The following DCC variants were observed in gnomAD, a reference collection of about 807,000 sequenced individuals.
DCC encodes the protein DCC netrin 1 receptor.
DCC carries 58 observed loss-of-function variants against 172.5 expected under a neutral mutation model. The ratio of observed to expected loss-of-function variants is 0.34; its 90% confidence interval spans 0.27 to 0.42. DCC has a LOEUF of 0.42. DCC is among the 10% of genes least tolerant of loss of function. The pLI is 1.00. For missense variants in DCC, 1,740 were observed against 1,791.0 expected, an observed-to-expected ratio of 0.97 and a Z score of 0.51; for synonymous variants, 709 against 644.5, an observed-to-expected ratio of 1.10 and a Z score of -1.52.
chr18:52,843,049 G>A (rs1171079525), intron 2 of DCC, among the ~76,000 whole-genome samples: 1 of 152,170 alleles, frequency 6.6e-6, no homozygotes, highest in Non-Finnish European at 1.5e-5. Context: ...GTATTCATGT[G>A]TAAGGTCAGG....
Position 53,391,527 on chromosome 18 carries a change from C to T in DCC, c.2456-128C>T, listed in dbSNP as rs1379777106. 4.3e-6 allele frequency: 3 copies of T among 704,062 alleles called. No individual in the cohort carries two copies. In the Admixed American group the frequency reaches 6.2e-5, roughly 15 times the overall value. The allele number at this position is 704,062 out of a possible 1,614,324, so 43.6% of individuals were successfully genotyped here. A position where few individuals can be genotyped will look rare whatever the true frequency, so the allele number is the denominator to read the frequency against. On this transcript the variant is annotated intron_variant, in intron 16 of 28. Transcript: ENST00000442544. ...TAATTACATTTTTTTCTGTTCTTCT[C>T]ATGTTCCCTTTCATCATTATTGCCA...
rs550457304 is a variant in DCC at position 52,443,545 on chromosome 18, C to A, written c.91+102667C>A. 2.6e-5 allele frequency among the ~76,000 whole-genome samples: 4 copies of A among 152,194 alleles called. No homozygotes were observed. The East Asian group carries it at 7.7e-4, about 29-fold the overall frequency. On this transcript the variant is annotated intron_variant, in intron 1 of 28. Transcript: ENST00000442544. ...TCATGAAGAATGCATAGGAGTTTCC[C>A]AGACAGGTGAGAAAGGGGACATTCT... is the stretch of plus-strand genomic sequence containing the variant.
chr18:52,790,264 G>A (rs915033444), intron 2 of DCC, among the ~76,000 whole-genome samples: 1 of 152,146 alleles, frequency 6.6e-6, no homozygotes, highest in South Asian at 2.1e-4. Flanking sequence ...GGGATCCTGG[G>A]TCTGCATCCT....
intron 1 of DCC, among the ~76,000 whole-genome samples, chr18:52,420,392 T>G (rs1022527585): frequency 3.9e-5 from 6 of 152,146 alleles, no homozygotes; most frequent in African/African-American, 1.4e-4. Context: ...TCTAACCAGT[T>G]GAGGATCTAG....
At chr18:52,712,827 C>T (rs1015054739) in intron 1 of DCC, among the ~76,000 whole-genome samples, 2 of 152,294 alleles carry the variant, frequency 1.3e-5, no homozygotes, top group East Asian at 3.9e-4. Context: ...GGGAGAGCTG[C>T]AGATGGATAT....
At chr18:53,008,535 G>A (rs2041679974) in intron 5 of DCC, among the ~76,000 whole-genome samples, 2 of 152,106 alleles carry the variant, frequency 1.3e-5, no homozygotes, top group African/African-American at 4.8e-5. Context: ...TTACTTGTAA[G>A]TGAATTATCA....
Position 53,205,043 on chromosome 18 carries a change from G to A in DCC, c.1574-173G>A, listed in dbSNP as rs150035817. ...GCTTTCTTATGAATTTTAAAATGAA[G>A]CGATTCTAAAGCTTCCAGAGTTTAT... On this transcript the variant is annotated intron_variant, in intron 9 of 28. Coordinates refer to ENST00000442544, the MANE Select transcript of DCC (RefSeq NM_005215.4). 2.6e-5 allele frequency among the ~76,000 whole-genome samples: 4 copies of A among 152,158 alleles called. No homozygotes were observed. In the East Asian group the frequency reaches 5.8e-4, roughly 22 times the overall value.
intron 1 of DCC, among the ~76,000 whole-genome samples, chr18:52,495,804 A>G (rs965301065): frequency 1.3e-5 from 2 of 150,188 alleles, no homozygotes; most frequent in Admixed American, 1.3e-4. Flanking sequence ...GTTGTGATGC[A>G]TTGTTCTGAG....
intron 7 of DCC, among the ~76,000 whole-genome samples, chr18:53,141,433 G>A (rs1415268889): frequency 6.6e-6 from 1 of 152,132 alleles, no homozygotes; most frequent in Non-Finnish European, 1.5e-5. Flanking sequence ...GGAAAATCCA[G>A]GAAGGCAAAA....
intron 1 of DCC, among the ~76,000 whole-genome samples, chr18:52,510,624 G>A (rs1488569832): frequency 6.6e-6 from 1 of 152,152 alleles, no homozygotes; most frequent in Admixed American, 6.5e-5. Flanking sequence ...TTGAGCCATA[G>A]AGAGTGAACT....
intron 1 of DCC, among the ~76,000 whole-genome samples, chr18:52,627,294 G>C (rs997257291): frequency 6.6e-6 from 1 of 152,038 alleles, no homozygotes; most frequent in Non-Finnish European, 1.5e-5. Flanking sequence ...GGTCTGTTTT[G>C]GTCACTGCTG....
At chr18:52,788,618 C>A (rs1481811100) in intron 2 of DCC, among the ~76,000 whole-genome samples, 2 of 152,146 alleles carry the variant, frequency 1.3e-5, no homozygotes, top group Non-Finnish European at 2.9e-5. Flanking sequence ...TCAATTAGAG[C>A]TCTTTTTGTA....
chr18:53,227,680 G>A (rs1203374880), intron 12 of DCC, among the ~76,000 whole-genome samples: 1 of 152,162 alleles, frequency 6.6e-6, no homozygotes, highest in African/African-American at 2.4e-5. Context: ...AACATATTAT[G>A]TATCTAATCT....
intron 15 of DCC, 140 bp downstream of exon 15, chr18:53,340,047 T>TAC (rs151131015): frequency 0.03 from 17,993 of 590,406 alleles, 551 homozygotes; most frequent in African/African-American, 0.15. Flanking sequence ...ACTGTCTATC[T>TAC]ACACACACAC....
chr18:53,049,232 G>T (rs946524856), intron 5 of DCC, among the ~76,000 whole-genome samples: 4 of 151,750 alleles, frequency 2.6e-5, no homozygotes, highest in Non-Finnish European at 4.4e-5. Context: ...ATTGTTTTTG[G>T]CTTCTTCATC....
intron 5 of DCC, among the ~76,000 whole-genome samples, chr18:52,956,625 C>A (rs76103406): frequency 0.032 from 4,925 of 152,008 alleles, 102 homozygotes; most frequent in Non-Finnish European, 0.05. Flanking sequence ...TTGTTGATAG[C>A]CACAAAGTAA....
chr18:53,470,919 A>G (rs1433770351), intron 25 of DCC, among the ~76,000 whole-genome samples: 8 of 152,190 alleles, frequency 5.3e-5, no homozygotes, highest in African/African-American at 1.7e-4. Flanking sequence ...GCCAAATTAT[A>G]TAAATCAACT....
intron 18 of DCC, among the ~76,000 whole-genome samples, chr18:53,397,949 G>T (rs538983722): frequency 6.6e-6 from 1 of 151,004 alleles, no homozygotes; most frequent in Admixed American, 6.6e-5. Flanking sequence ...GGGAAATGGG[G>T]TAACATAATA....
At chr18:53,280,600 C>T (rs1199815751) in intron 12 of DCC, among the ~76,000 whole-genome samples, 1 of 151,988 alleles carries the variant, frequency 6.6e-6, no homozygotes, top group African/African-American at 2.4e-5. Flanking sequence ...AAGCTTCCAG[C>T]ACGGAAGCTT....
Sources: allele counts gnomAD v4.1 joint callset (sites outside exome capture counted in the v4.1 genomes callset), GRCh38; gene constraint gnomAD v4.1.1; transcripts MANE v1.5; gene names NCBI Gene and HGNC (gene_info 2026-07-23, HGNC 2026-07-21).